BRD4: variants seen among roughly 807,000 people sequenced by gnomAD.
The protein encoded by BRD4 is bromodomain-containing protein 4.
A neutral mutation model predicts 142.1 loss-of-function variants in BRD4; 16 were observed. That is an observed-to-expected ratio of 0.11 (90% CI 0.08 to 0.17). The LOEUF (loss-of-function observed/expected upper bound fraction) is 0.17. BRD4 is among the 10% of genes least tolerant of loss of function. The pLI is 1.00. For missense variants in BRD4, 1,424 were observed against 1,810.9 expected, an observed-to-expected ratio of 0.79 and a Z score of 3.88; for synonymous variants, 833 against 707.5, an observed-to-expected ratio of 1.18 and a Z score of -2.82.
intron 1 of BRD4, among the ~76,000 whole-genome samples, chr19:15,274,561 G>A (rs1279998522): frequency 6.6e-6 from 1 of 152,252 alleles, no homozygotes; most frequent in East Asian, 1.9e-4. Context: ...GCAGGCAGGG[G>A]CAGGAGCAGC....
intron 7 of BRD4, among the ~76,000 whole-genome samples, chr19:15,260,668 T>C (rs1255718216): frequency 6.6e-6 from 1 of 152,002 alleles, no homozygotes; most frequent in Non-Finnish European, 1.5e-5. Flanking sequence ...TCCACTCCAG[T>C]CCGGCACCTG....
intron 11 of BRD4, chr19:15,253,873 G>A (rs2145564240): frequency 8.7e-7 from 1 of 1,144,462 alleles, no homozygotes. Context: ...ACCATCCAGG[G>A]CTCCGCAGTG....
chr19:15,318,648 C>A (rs1465929094), intron 1 of BRD4, among the ~76,000 whole-genome samples: 1 of 152,172 alleles, frequency 6.6e-6, no homozygotes, highest in Non-Finnish European at 1.5e-5. Flanking sequence ...ATCTTGTAAG[C>A]CTACCCACAT....
chr19:15,266,787 C>A (rs902433242), intron 4 of BRD4, among the ~76,000 whole-genome samples: 2 of 152,192 alleles, frequency 1.3e-5, no homozygotes, highest in African/African-American at 4.8e-5. Context: ...AAATGTCACC[C>A]TTCTGCAGCA....
At chr19:15,247,949 G>A (rs1292793912) in intron 11 of BRD4, 2 of 223,840 alleles carry the variant, frequency 8.9e-6, no homozygotes, top group African/African-American at 4.5e-5. Flanking sequence ...AGCTGCTCAA[G>A]CCCAAGGAGC....
chr19:15,262,524 TAAAAAAAAAAAA>T (rs559468375), intron 7 of BRD4, among the ~76,000 whole-genome samples: 2 of 97,798 alleles, frequency 2.0e-5, no homozygotes, highest in Non-Finnish European at 4.3e-5. Flanking sequence ...CCCATCTCTT[TAAAAAAAAAAAA>T]AAAAAAGAAA....
intron 1 of BRD4, among the ~76,000 whole-genome samples, chr19:15,291,610 T>C (rs957956573): frequency 2.0e-5 from 3 of 152,212 alleles, no homozygotes; most frequent in Non-Finnish European, 4.4e-5. Context: ...CATTCTCCAC[T>C]GGAACATCTC....
At position 15,238,368 on chromosome 19, in the gene BRD4, T is replaced by C. The variant is rs1311727181; in HGVS notation, c.*9A>G. 1.2e-6 allele frequency: 2 copies of C among 1,613,950 alleles called. No homozygotes were observed. Among genetic ancestry groups the C allele is most frequent in the Non-Finnish European group, 1.7e-6 (2 of 1,179,952 alleles). On this transcript the variant is annotated 3_prime_UTR_variant, in exon 20 of 20. Coordinates refer to ENST00000679869, the MANE Select transcript of BRD4 (RefSeq NM_001379291.1). This position sits in a 1 kb window ranked among gnomAD's most constrained non-coding sequence, Gnocchi z 7.2. The stretch of plus-strand genomic sequence containing the variant: ...CAGAAAATCAAAGTCAGAAGCCACC[T>C]AGGTGCGCTCAGAAAAGATTTTCTT...
At chr19:15,298,559 T>G (rs2047841997) in intron 1 of BRD4, among the ~76,000 whole-genome samples, 1 of 138,578 alleles carries the variant, frequency 7.2e-6, no homozygotes, top group African/African-American at 2.7e-5. Context: ...GGGCAGCGGT[T>G]GCAGTGAGCA....
intron 1 of BRD4, among the ~76,000 whole-genome samples, chr19:15,322,319 T>A (rs1258718265): frequency 6.6e-6 from 1 of 152,096 alleles, no homozygotes; most frequent in Admixed American, 6.6e-5. Context: ...TCGCCCAGGC[T>A]GGAGTGCAGT....
intron 1 of BRD4, among the ~76,000 whole-genome samples, chr19:15,303,225 T>C (rs1314814306): frequency 6.6e-6 from 1 of 152,156 alleles, no homozygotes; most frequent in Admixed American, 6.5e-5. Context: ...AGTTAATACA[T>C]AGCTATTCAA....
At chr19:15,263,677 T>A (rs1181394233) in intron 6 of BRD4, 129 bp from the exon 7 acceptor site, 1 of 1,187,422 alleles carries the variant, frequency 8.4e-7, no homozygotes, top group Non-Finnish European at 1.2e-6. Flanking sequence ...GTCAAGACTC[T>A]AGTGGGGGGA....
chr19:15,246,265 C>CT (rs1383049907), intron 11 of BRD4, among the ~76,000 whole-genome samples: 1 of 152,132 alleles, frequency 6.6e-6, no homozygotes, highest in African/African-American at 2.4e-5. Context: ...AACAGGGAGT[C>CT]TGACTGCTGT....
chr19:15,256,742 T>C (rs2047413390), intron 8 of BRD4, among the ~76,000 whole-genome samples: 1 of 152,114 alleles, frequency 6.6e-6, no homozygotes, highest in South Asian at 2.1e-4. Flanking sequence ...AAAATGGCCA[T>C]GTCCCTCCCC....
chr19:15,312,413 C>A (rs2047979347), intron 1 of BRD4, among the ~76,000 whole-genome samples: 1 of 152,108 alleles, frequency 6.6e-6, no homozygotes, highest in Non-Finnish European at 1.5e-5. Flanking sequence ...GCGGGCAGAT[C>A]ACCTGAGATC....
At chr19:15,321,565 T>C (rs1175720971) in intron 1 of BRD4, among the ~76,000 whole-genome samples, 2 of 151,914 alleles carry the variant, frequency 1.3e-5, no homozygotes, top group Non-Finnish European at 2.9e-5. Flanking sequence ...GTCAGAACAT[T>C]AGTGATAAAG....
chr19:15,252,484 A>C (rs765348992), intron 11 of BRD4, among the ~76,000 whole-genome samples: 4 of 152,222 alleles, frequency 2.6e-5, no homozygotes, highest in Non-Finnish European at 5.9e-5. Flanking sequence ...GGAAAGTGAA[A>C]AGTCAGCGGC....
chr19:15,271,903 C>T (rs534796542), intron 2 of BRD4, among the ~76,000 whole-genome samples: 23 of 123,912 alleles, frequency 1.9e-4, no homozygotes, highest in African/African-American at 6.3e-4. Flanking sequence ...AGGCTAAGGC[C>T]GCTCCTACAC....
chr19:15,312,389 T>G (rs1440479665), intron 1 of BRD4, among the ~76,000 whole-genome samples: 1 of 151,826 alleles, frequency 6.6e-6, no homozygotes, highest in African/African-American at 2.4e-5. Flanking sequence ...ATCCCAGCAC[T>G]CTGGGAGGCC....
Sources: allele counts gnomAD v4.1 joint callset (sites outside exome capture counted in the v4.1 genomes callset), GRCh38; gene constraint gnomAD v4.1.1; non-coding constraint Gnocchi (gnomAD v3.1); transcripts MANE v1.5; gene names NCBI Gene and HGNC (gene_info 2026-07-23, HGNC 2026-07-21).